MCMBP: variants seen among roughly 807,000 people sequenced by gnomAD.
MCMBP encodes the protein minichromosome maintenance complex binding protein, also known as mini-chromosome maintenance complex-binding protein.
A neutral mutation model predicts 81.3 loss-of-function variants in MCMBP; 31 were observed. That is an observed-to-expected ratio of 0.38 (90% CI 0.29 to 0.51). The LOEUF (loss-of-function observed/expected upper bound fraction) is 0.51, where lower values mean the gene tolerates loss of function less well. Among genes scored for constraint, MCMBP ranks in the 20% least tolerant of loss-of-function variants. MCMBP has a pLI of 0.87. For missense variants in MCMBP, 645 were observed against 772.1 expected, an observed-to-expected ratio of 0.84 and a Z score of 1.95; for synonymous variants, 267 against 275.9, an observed-to-expected ratio of 0.97 and a Z score of 0.32.
chr10:119,839,182 A>G (rs1852348354), intron 11 of MCMBP, among the ~76,000 whole-genome samples: 1 of 152,236 alleles, frequency 6.6e-6, no homozygotes, highest in South Asian at 2.1e-4. Flanking sequence ...AGCAGAGCAC[A>G]CTGAGCTGTG....
chr10:119,858,581 C>CT, intron 4 of MCMBP, among the ~76,000 whole-genome samples: 1 of 152,150 alleles, frequency 6.6e-6, no homozygotes, highest in African/African-American at 2.4e-5. Context: ...TTGGCTTTGT[C>CT]TTTGAAGGAA....
intron 1 of MCMBP, among the ~76,000 whole-genome samples, chr10:119,863,672 T>C (rs1256329845): frequency 8.1e-6 from 1 of 122,918 alleles, no homozygotes. Flanking sequence ...GAGGTTTCAG[T>C]GAGCTGAGAT....
At chr10:119,862,285 C>A (rs991175337) in intron 1 of MCMBP, among the ~76,000 whole-genome samples, 1 of 151,998 alleles carries the variant, frequency 6.6e-6, no homozygotes, top group East Asian at 1.9e-4. Flanking sequence ...CCAGCCTGGG[C>A]GACTAGAGTG....
chr10:119,836,213 T>G (rs187087335), intron 13 of MCMBP, among the ~76,000 whole-genome samples: 120 of 152,356 alleles, frequency 7.9e-4, no homozygotes, highest in Non-Finnish European at 8.8e-5. Context: ...TGGTTACTTA[T>G]GTTTCCTCAA....
intron 8 of MCMBP, among the ~76,000 whole-genome samples, chr10:119,847,104 T>C (rs139616400): frequency 1.3e-3 from 193 of 152,034 alleles, no homozygotes; most frequent in African/African-American, 4.3e-3. Context: ...GTTACACTAA[T>C]ACAGAAAGGA....
chr10:119,870,013 T>G (rs1359722080), intron 1 of MCMBP, among the ~76,000 whole-genome samples: 1 of 152,198 alleles, frequency 6.6e-6, no homozygotes, highest in Non-Finnish European at 1.5e-5. Context: ...TTTGTGTAAT[T>G]TTAATTAATT....
Position 119,838,544 on chromosome 10 carries a change from C to G in MCMBP, c.1399G>C (p.Asp467His). 6.2e-7 allele frequency: 1 copy of G among 1,613,760 alleles called. No homozygotes were observed. The highest frequency in any genetic ancestry group is 8.5e-7 in the Non-Finnish European group (1 of 1,179,804). ...ACATCTATGTACGTACCTGGGGTAT[C>G]CAGCTGCCCCTGTTCCAGGAGAGTC... ...DETLLEQGQL[D>H]TPGVHNVTAL... The change falls in exon 12 of 16, where the codon GAT becomes CAT. Residue 467 changes from aspartate to histidine, a missense_variant. By Grantham distance (81) the Asp-to-His change is moderately conservative. Transcript: ENST00000369077.
intron 2 of MCMBP, 83 bp downstream of exon 2, chr10:119,859,716 A>G: frequency 2.5e-6 from 2 of 809,430 alleles, no homozygotes; most frequent in South Asian, 2.0e-5. Context: ...TTTTTAAATT[A>G]CATGTGGGTT....
chr10:119,863,924 T>A (rs1853355920), intron 1 of MCMBP, among the ~76,000 whole-genome samples: 1 of 151,970 alleles, frequency 6.6e-6, no homozygotes, highest in South Asian at 2.1e-4. Flanking sequence ...GATACTGATG[T>A]TCTAATCCCC....
At position 119,836,894 on chromosome 10, in the gene MCMBP, A is replaced by G; in HGVS notation, c.1542+2T>C. ...CCTCCATTTAAAAATGACTCATCAT[A>G]CCGGGAGGAGTGACCTCCCCTCCGA... On this transcript the variant is annotated splice_donor_variant, in intron 13 of 15. Transcript: ENST00000369077. LOFTEE classifies it high-confidence loss of function. 1 of 1,607,054 alleles carries G rather than the reference A, an allele frequency of 6.2e-7. No homozygotes were observed. The highest frequency in any genetic ancestry group is 8.5e-7 in the Non-Finnish European group (1 of 1,176,492).
At chr10:119,837,148 G>T in intron 12 of MCMBP, 119 bp from the exon 13 acceptor site, 1 of 1,021,714 alleles carries the variant, frequency 9.8e-7, no homozygotes, top group South Asian at 1.8e-5. Context: ...GGTATGAGGC[G>T]CTGTCCAGTT....
chr10:119,839,319 T>A (rs2420644), intron 11 of MCMBP, among the ~76,000 whole-genome samples: 8,316 of 152,220 alleles, frequency 0.055, 420 homozygotes, highest in South Asian at 0.27. Flanking sequence ...ACACCCTCTG[T>A]GCTCTGCCTT....
intron 5 of MCMBP, among the ~76,000 whole-genome samples, chr10:119,856,044 G>C (rs1175249784): frequency 1.3e-5 from 2 of 152,106 alleles, no homozygotes; most frequent in Non-Finnish European, 2.9e-5. Flanking sequence ...CCAGCATGGT[G>C]AAACCCCGTC....
chr10:119,849,621 C>T lies in MCMBP; in HGVS notation c.575-45G>A, dbSNP rs371733451. 6.0e-6 allele frequency: 9 copies of T among 1,501,072 alleles called. No individual in the cohort carries two copies. The African/African-American group carries it at 1.2e-4, about 19-fold the overall frequency. 93.0% of individuals were successfully genotyped at this position (1,501,072 alleles called of 1,614,324 possible). A position where few individuals can be genotyped will look rare whatever the true frequency, so the allele number is the denominator to read the frequency against. ...TTGCACTTAGTCATTTCTAAGGCCT[C>T]CTGGAGAAAAAGAACATTCCATAAG... is the stretch of plus-strand genomic sequence containing the variant. On this transcript the variant is annotated intron_variant, in intron 6 of 15. Coordinates refer to ENST00000369077, the MANE Select transcript of MCMBP (RefSeq NM_001256378.2).
Position 119,840,975 on chromosome 10 carries a change from A to C in MCMBP, c.1125-15T>G. 7.0e-7 allele frequency: 1 copy of C among 1,433,744 alleles called. No homozygotes were observed. The highest frequency in any genetic ancestry group is 9.8e-7 in the Non-Finnish European group (1 of 1,023,740). 88.8% of individuals were successfully genotyped at this position (1,433,744 alleles called of 1,614,324 possible). A position where few individuals can be genotyped will look rare whatever the true frequency, so the allele number is the denominator to read the frequency against. On this transcript the variant is annotated splice_polypyrimidine_tract_variant and intron_variant, in intron 10 of 15. Transcript: ENST00000369077. ...TTCTTGTATATCTAGAAAAGAAAGA[A>C]ATCAATCAATAAGATGCTGAAGTGA...
rs1283787692 is a variant in MCMBP at position 119,830,314 on chromosome 10, T to C, written c.*1160A>G. 2 of 152,562 alleles carry C rather than the reference T, an allele frequency of 1.3e-5. No homozygotes were observed. Among genetic ancestry groups the C allele is most frequent in the Admixed American group, 6.5e-5 (1 of 15,274 alleles). 9.5% of individuals were successfully genotyped at this position (152,562 alleles called of 1,614,324 possible). A position where few individuals can be genotyped will look rare whatever the true frequency, so the allele number is the denominator to read the frequency against. On this transcript the variant is annotated 3_prime_UTR_variant, in exon 16 of 16. Transcript: ENST00000369077. ...AATGTCCTAACCTTTCTGAAGATTC[T>C]GGTTGCCATAACCATGCTACTACAG...
intron 9 of MCMBP, 105 bp from the exon 10 acceptor site, chr10:119,842,700 T>C: frequency 3.2e-6 from 4 of 1,242,328 alleles, no homozygotes; most frequent in Non-Finnish European, 3.3e-6. Context: ...CAGTCGACAG[T>C]AGGTAAAGCT....
chr10:119,838,565 G>C lies in MCMBP; in HGVS notation c.1378C>G (p.Leu460Val). 1.2e-6 allele frequency: 2 copies of C among 1,614,136 alleles called. No homozygotes were observed. Among genetic ancestry groups the C allele is most frequent in the Non-Finnish European group, 1.7e-6 (2 of 1,180,012 alleles). Residue 460 changes from leucine (L) to valine (V), a missense_variant, in exon 12 of 16, where the codon CTC (leucine) becomes GTC (valine). Coordinates refer to ENST00000369077, the MANE Select transcript of MCMBP (RefSeq NM_001256378.2). ...GTATCCAGCTGCCCCTGTTCCAGGA[G>C]AGTCTCATCGATTACAAGGGAAGTA... ...SNTSLVIDETLLEQGQLDTPG... is the reference protein window; with the variant it reads ...SNTSLVIDETVLEQGQLDTPG...
At chr10:119,842,439 C>A in intron 10 of MCMBP, 33 bp downstream of exon 10, 3 of 1,588,834 alleles carry the variant, frequency 1.9e-6, no homozygotes, top group Non-Finnish European at 2.6e-6. Context: ...ACACACCAAA[C>A]TCCCCTAATT....
Sources: allele counts gnomAD v4.1 joint callset (sites outside exome capture counted in the v4.1 genomes callset), GRCh38; gene constraint gnomAD v4.1.1; transcripts MANE v1.5; gene names NCBI Gene and HGNC (gene_info 2026-07-23, HGNC 2026-07-21).